The following NAP1L4 variants were observed in gnomAD, a reference collection of about 807,000 sequenced individuals.
NAP1L4 encodes the protein nucleosome assembly protein 1 like 4, also known as nucleosome assembly protein 1-like 4.
A neutral mutation model predicts 58.2 loss-of-function variants in NAP1L4; 15 were observed. The observed-to-expected ratio is 0.26, with a 90% CI of 0.17 to 0.40. The LOEUF is 0.40. Among genes scored for constraint, NAP1L4 ranks in the 10% least tolerant of loss-of-function variants. NAP1L4 has a pLI of 1.00. For missense variants in NAP1L4, 384 were observed against 451.1 expected (o/e 0.85, Z 1.35); for synonymous variants, 171 against 155.6 (o/e 1.10, Z -0.74).
intron 7 of NAP1L4, among the ~76,000 whole-genome samples, chr11:2,967,958 G>A (rs544686537): frequency 4.6e-5 from 7 of 152,190 alleles, no homozygotes; most frequent in African/African-American, 1.4e-4. Context: ...GTGGCCACAC[G>A]CACAGAAGGG....
chr11:2,974,445 C>T (rs1379490324), intron 4 of NAP1L4, among the ~76,000 whole-genome samples: 2 of 152,136 alleles, frequency 1.3e-5, no homozygotes, highest in Admixed American at 6.5e-5. Context: ...GTTTCTAAAG[C>T]GAGAAAACTA....
chr11:2,986,480 T>C (rs927358115), intron 1 of NAP1L4, among the ~76,000 whole-genome samples: 1 of 152,118 alleles, frequency 6.6e-6, no homozygotes, highest in Non-Finnish European at 1.5e-5. Flanking sequence ...ATTTACTCTG[T>C]CTTAATAAAC....
Position 2,971,700 on chromosome 11 carries a change from C to T in NAP1L4, c.316-166G>A, listed in dbSNP as rs1847646100. Among the ~76,000 whole-genome samples the T allele has an allele frequency of 6.6e-6, 1 of 152,072 alleles. No individual in the cohort carries two copies. Among genetic ancestry groups the T allele is most frequent in the Non-Finnish European group, 1.5e-5 (1 of 68,026 alleles). ...GTTCAAAGAAAAATATTAAATGATT[C>T]CCTGGGTAAACCTGGATGTTTCACC... On this transcript the variant is annotated intron_variant, in intron 5 of 15. Coordinates refer to ENST00000380542, the MANE Select transcript of NAP1L4 (RefSeq NM_005969.4). The surrounding 1 kb of genome is among the most constrained non-coding windows in gnomAD (Gnocchi z 4.2).
At chr11:2,968,019 T>C (rs753267604) in intron 7 of NAP1L4, among the ~76,000 whole-genome samples, 2 of 152,140 alleles carry the variant, frequency 1.3e-5, no homozygotes, top group African/African-American at 2.4e-5. Flanking sequence ...AACCCTGTTA[T>C]CACTGCACCC....
intron 7 of NAP1L4, among the ~76,000 whole-genome samples, chr11:2,967,755 CTT>C (rs944812208): frequency 6.6e-6 from 1 of 152,116 alleles, no homozygotes; most frequent in African/African-American, 2.4e-5. Flanking sequence ...CCCTGCATAT[CTT>C]TTTAAAGCTG....
chr11:2,953,188 C>T (rs1038094471), intron 12 of NAP1L4, among the ~76,000 whole-genome samples: 6 of 152,296 alleles, frequency 3.9e-5, no homozygotes, highest in South Asian at 2.1e-4. Flanking sequence ...CTGTGCTGAA[C>T]GTATTGTGAA....
At chr11:2,982,453 G>A (rs1158142338) in intron 1 of NAP1L4, among the ~76,000 whole-genome samples, 1 of 152,110 alleles carries the variant, frequency 6.6e-6, no homozygotes, top group Non-Finnish European at 1.5e-5. Flanking sequence ...GTAACACCTC[G>A]TAAAGACACA....
intron 1 of NAP1L4, among the ~76,000 whole-genome samples, chr11:2,981,119 TC>T (rs2134004056): frequency 6.6e-6 from 1 of 151,766 alleles, no homozygotes; most frequent in African/African-American, 2.4e-5. Context: ...GAACCTGTAG[TC>T]CCAGCTACTC....
chr11:2,991,023 A>G (rs950351237), intron 1 of NAP1L4: 1 of 447,500 alleles, frequency 2.2e-6, no homozygotes, highest in African/African-American at 2.0e-5. Context: ...ACGGGTTACT[A>G]CAGGAAAAAG....
chr11:2,952,973 T>TA (rs1232130416), intron 12 of NAP1L4, among the ~76,000 whole-genome samples: 1 of 152,176 alleles, frequency 6.6e-6, no homozygotes, highest in African/African-American at 2.4e-5. Flanking sequence ...TGCCAACACT[T>TA]ACTGAGTCAT....
chr11:2,950,577 CAAG>C (rs1179161849), intron 14 of NAP1L4, among the ~76,000 whole-genome samples: 1 of 152,202 alleles, frequency 6.6e-6, no homozygotes, highest in Non-Finnish European at 1.5e-5. Context: ...TCATGTTTTA[CAAG>C]AAGAAACTCT....
At position 2,959,732 on chromosome 11, in the gene NAP1L4, T is replaced by C. The variant is rs762453700; in HGVS notation, c.746+38A>G. ...CAAGTTACAAAATTATCTTTTGATT[T>C]TGTTTCAGAAAAACAAGGTAGAATG... On this transcript the variant is annotated intron_variant, in intron 9 of 15. Transcript: ENST00000380542. This position sits in a 1 kb window ranked among gnomAD's most constrained non-coding sequence, Gnocchi z 4.9. The C allele has an allele frequency of 1.9e-6, 3 of 1,607,082 alleles. No individual in the cohort carries two copies. Among genetic ancestry groups the C allele is most frequent in the Non-Finnish European group, 1.7e-6 (2 of 1,176,794 alleles).
intron 4 of NAP1L4, among the ~76,000 whole-genome samples, chr11:2,975,589 A>C (rs1847906326): frequency 6.6e-6 from 1 of 151,204 alleles, no homozygotes; most frequent in Non-Finnish European, 1.5e-5. Flanking sequence ...AGACAGTCTC[A>C]CTGTCACCCA....
At position 2,949,802 on chromosome 11, in the gene NAP1L4, GAACA is replaced by G. The variant is rs918925283; in HGVS notation, c.1123-542_1123-539del. ...GTTCTCCAAGGTGACAGAGAAAGCAGAACAAACAACAGAGGGGAGGAAAAGAGAA... is the reference window on the plus strand; with the variant it reads ...GTTCTCCAAGGTGACAGAGAAAGCAGAACAACAGAGGGGAGGAAAAGAGAA... On this transcript the variant is annotated intron_variant, in intron 14 of 15. Transcript: ENST00000380542. The surrounding 1 kb of genome is among the most constrained non-coding windows in gnomAD (Gnocchi z 4.0). 9.9e-5 allele frequency among the ~76,000 whole-genome samples: 15 copies of G among 152,220 alleles called. No individual in the cohort carries two copies. Among genetic ancestry groups the G allele is most frequent in the African/African-American group, 3.6e-4 (15 of 41,458 alleles).
At chr11:2,969,514 A>G (rs1847509013) in intron 7 of NAP1L4, among the ~76,000 whole-genome samples, 1 of 152,166 alleles carries the variant, frequency 6.6e-6, no homozygotes, top group Admixed American at 6.5e-5. Context: ...CACAGGCAAG[A>G]CAACAGAGCT....
chr11:2,955,875 C>T lies in NAP1L4; in HGVS notation c.893-109G>A, dbSNP rs116510222. ...GGTAGATAAAATGTAACATTTCTCA[C>T]CTCGAGGTTTAACAGAAATCCCCAA... is the stretch of plus-strand genomic sequence containing the variant. On this transcript the variant is annotated intron_variant, in intron 10 of 15. Transcript: ENST00000380542. This position sits in a 1 kb window ranked among gnomAD's most constrained non-coding sequence, Gnocchi z 4.2. 1,081 of 1,005,352 alleles carry T rather than the reference C, an allele frequency of 1.1e-3. 3 individuals are homozygous for T. The African/African-American group carries it at 0.015, about 14-fold the overall frequency. 62.3% of individuals were successfully genotyped at this position (1,005,352 alleles called of 1,614,324 possible).
At chr11:2,964,640 C>A in intron 8 of NAP1L4, 40 bp downstream of exon 8, 2 of 1,544,870 alleles carry the variant, frequency 1.3e-6, no homozygotes, top group South Asian at 1.1e-5. Flanking sequence ...TGTGGACTGA[C>A]CCTGTCTGAT....
At chr11:2,964,008 A>G (rs1390649111) in intron 8 of NAP1L4, 5 of 451,154 alleles carry the variant, frequency 1.1e-5, no homozygotes, top group Non-Finnish European at 2.2e-5. Flanking sequence ...ACCAACTGGT[A>G]GGCTGATCCA....
At chr11:2,984,123 C>T (rs566772142) in intron 1 of NAP1L4, among the ~76,000 whole-genome samples, 15 of 146,258 alleles carry the variant, frequency 1.0e-4, no homozygotes, top group Admixed American at 4.1e-4. Flanking sequence ...GCTATCACTG[C>T]GCCACTGAAC....
Sources: allele counts gnomAD v4.1 joint callset (sites outside exome capture counted in the v4.1 genomes callset), GRCh38; gene constraint gnomAD v4.1.1; non-coding constraint Gnocchi (gnomAD v3.1); transcripts MANE v1.5; gene names NCBI Gene and HGNC (gene_info 2026-07-23, HGNC 2026-07-21).